MACROD2: variants seen among roughly 807,000 people sequenced by gnomAD.
MACROD2 encodes the protein mono-ADP ribosylhydrolase 2, also known as ADP-ribose glycohydrolase MACROD2.
A neutral mutation model predicts 70.4 loss-of-function variants in MACROD2; 36 were observed. That is an observed-to-expected ratio of 0.51 (90% CI 0.39 to 0.68). The LOEUF is 0.68. MACROD2 is among the 30% of genes least tolerant of loss of function. The pLI, the probability that MACROD2 is intolerant of heterozygous loss-of-function variation, is 0.00. For missense variants in MACROD2, 496 were observed against 538.4 expected (o/e 0.92, Z 0.78); for synonymous variants, 172 against 178.8 (o/e 0.96, Z 0.30).
chr20:15,812,241 A>G, intron 8 of MACROD2, among the ~76,000 whole-genome samples: 1 of 152,174 alleles, frequency 6.6e-6, no homozygotes, highest in East Asian at 1.9e-4. Flanking sequence ...GCAAATGCCT[A>G]TTGAGTTGAA....
At position 14,465,627 on chromosome 20, in the gene MACROD2, G is replaced by C. The variant is rs552114736; in HGVS notation, c.272-27852G>C. 2.4e-4 allele frequency among the ~76,000 whole-genome samples: 36 copies of C among 152,176 alleles called. No homozygotes were observed. The South Asian group carries it at 2.5e-3, about 11-fold the overall frequency. On this transcript the variant is annotated intron_variant, in intron 3 of 17. Coordinates refer to ENST00000684519, the MANE Select transcript of MACROD2 (RefSeq NM_001351661.2). ...TTAGTTGATGCAGTTTCTTCCTAGTGTTGATGGTCTTTACAATTTGGCATG... is the reference window on the plus strand; with the variant it reads ...TTAGTTGATGCAGTTTCTTCCTAGTCTTGATGGTCTTTACAATTTGGCATG...
intron 5 of MACROD2, among the ~76,000 whole-genome samples, chr20:15,102,745 T>C (rs2075882581): frequency 6.6e-6 from 1 of 151,582 alleles, no homozygotes; most frequent in Non-Finnish European, 1.5e-5. Context: ...CGTGTGAAAA[T>C]TGAGATATTT....
chr20:15,872,083 A>G (rs760281533), intron 9 of MACROD2, among the ~76,000 whole-genome samples: 1 of 152,138 alleles, frequency 6.6e-6, no homozygotes, highest in Admixed American at 6.5e-5. Flanking sequence ...TCCCTTAGCA[A>G]TCCTGAAAAC....
intron 5 of MACROD2, among the ~76,000 whole-genome samples, chr20:15,071,358 A>G (rs2075618090): frequency 6.6e-6 from 1 of 152,152 alleles, no homozygotes; most frequent in Non-Finnish European, 1.5e-5. Flanking sequence ...GAGACATGTA[A>G]TTTATCTGAA....
intron 5 of MACROD2, among the ~76,000 whole-genome samples, chr20:15,099,614 CG>C (rs2075857494): frequency 6.6e-6 from 1 of 152,062 alleles, no homozygotes; most frequent in African/African-American, 2.4e-5. Context: ...AGACAATAAT[CG>C]GTACTGAGAA....
At chr20:14,954,754 A>ATAAATATG (rs2074509011) in intron 5 of MACROD2, among the ~76,000 whole-genome samples, 1 of 1,608 alleles carries the variant, frequency 6.2e-4, no homozygotes, top group Non-Finnish European at 1.2e-3. Flanking sequence ...TTATAAATAT[A>ATAAATATG]TAAATAAATT....
At chr20:14,894,112 T>G (rs1219894641) in intron 5 of MACROD2, 1 of 152,138 alleles carries the variant, frequency 6.6e-6, no homozygotes, top group African/African-American at 2.4e-5. Flanking sequence ...TTACAAACAT[T>G]ATTTTCATGT....
chr20:15,148,267 C>T (rs570073354), intron 5 of MACROD2, among the ~76,000 whole-genome samples: 22 of 151,876 alleles, frequency 1.4e-4, no homozygotes, highest in Non-Finnish European at 2.9e-4. Context: ...TTAGAAGAAA[C>T]ATTTGTCATG....
intron 8 of MACROD2, among the ~76,000 whole-genome samples, chr20:15,779,243 A>C (rs2051788642): frequency 6.6e-6 from 1 of 152,126 alleles, no homozygotes; most frequent in South Asian, 2.1e-4. Flanking sequence ...TGTTCTAAGA[A>C]GCTATTATCC....
At chr20:13,997,869 C>G (rs1207698456) in intron 1 of MACROD2, among the ~76,000 whole-genome samples, 1 of 151,724 alleles carries the variant, frequency 6.6e-6, no homozygotes, top group East Asian at 1.9e-4. Flanking sequence ...TATTATACCC[C>G]CAAGGAAGAG....
rs115768121 is a variant in MACROD2, at chr20:16,021,688, G to A, written c.1154-19513G>A. 8.2e-3 allele frequency among the ~76,000 whole-genome samples: 1,256 copies of A among 152,272 alleles called. 13 individuals are homozygous for A. The highest frequency in any genetic ancestry group is 0.028 in the African/African-American group (1,174 of 41,540). On this transcript the variant is annotated intron_variant, in intron 15 of 17. Transcript: ENST00000684519. ...TGCATTACCTATCTATGAGGTAGGC[G>A]TGGGTTTTCTGACTTTTACCTATTA...
At position 14,576,510 on chromosome 20, in the gene MACROD2, A is replaced by T. The variant is rs149148521; in HGVS notation, c.301+83002A>T. On this transcript the variant is annotated intron_variant, in intron 4 of 17. Transcript: ENST00000684519. ...ACTTTCAATATGCTTCAGAACTGCT[A>T]ATGGCAAAGTTGCTTTTGGGAACCA... Among the ~76,000 whole-genome samples the T allele has an allele frequency of 8.9e-3, 1,355 of 152,312 alleles. 10 individuals carry two copies. The highest frequency in any genetic ancestry group is 0.015 in the Non-Finnish European group (1,029 of 68,032).
chr20:15,869,835 A>C (rs1316648101), intron 9 of MACROD2, among the ~76,000 whole-genome samples: 4 of 152,148 alleles, frequency 2.6e-5, no homozygotes, highest in Non-Finnish European at 5.9e-5. Flanking sequence ...TGTCTAGCTA[A>C]AATGCATACA....
chr20:15,489,642 A>G (rs142074268), intron 7 of MACROD2, among the ~76,000 whole-genome samples: 1 of 152,180 alleles, frequency 6.6e-6, no homozygotes, highest in Non-Finnish European at 1.5e-5. Flanking sequence ...GCAGAAGGCC[A>G]TGTGTTTGGT....
chr20:15,092,976 A>G (rs1204817705), intron 5 of MACROD2, among the ~76,000 whole-genome samples: 1 of 152,196 alleles, frequency 6.6e-6, no homozygotes, highest in Non-Finnish European at 1.5e-5. Context: ...CTAGTTGGAT[A>G]GAGTTTTATT....
intron 3 of MACROD2, among the ~76,000 whole-genome samples, chr20:14,108,011 C>T (rs1273544284): frequency 3.3e-5 from 5 of 152,130 alleles, no homozygotes; most frequent in African/African-American, 9.6e-5. Context: ...ATAAACTACT[C>T]AAGTACAAAG....
intron 6 of MACROD2, among the ~76,000 whole-genome samples, chr20:15,424,840 A>G (rs1026769876): frequency 1.3e-5 from 2 of 152,364 alleles, no homozygotes; most frequent in African/African-American, 4.8e-5. Flanking sequence ...GTGTTTTACA[A>G]TCACACATAG....
chr20:15,292,568 A>C (rs1195889866), intron 6 of MACROD2, among the ~76,000 whole-genome samples: 1 of 152,214 alleles, frequency 6.6e-6, no homozygotes, highest in Non-Finnish European at 1.5e-5. Flanking sequence ...AATATGTAAC[A>C]ATTCAAATGC....
chr20:14,024,505 T>G (rs1041698450), intron 2 of MACROD2, among the ~76,000 whole-genome samples: 1 of 152,236 alleles, frequency 6.6e-6, no homozygotes, highest in African/African-American at 2.4e-5. Context: ...CCATTCAGTA[T>G]GATATTGGCT....
Sources: allele counts gnomAD v4.1 joint callset (sites outside exome capture counted in the v4.1 genomes callset), GRCh38; gene constraint gnomAD v4.1.1; transcripts MANE v1.5; gene names NCBI Gene and HGNC (gene_info 2026-07-23, HGNC 2026-07-21).